Variants in MUC22 observed in about 807,000 individuals in gnomAD.
MUC22 encodes the protein mucin-22.
MUC22 carries 24 observed loss-of-function variants against 40.3 expected under a neutral mutation model. That is an observed-to-expected ratio of 0.60 (90% CI 0.43 to 0.84). MUC22 has a LOEUF of 0.84. MUC22 is among the 40% of genes least tolerant of loss of function. The pLI, the probability that MUC22 is intolerant of heterozygous loss-of-function variation, is 0.00. For synonymous variants in MUC22, 765 were observed against 844.5 expected (o/e 0.91, Z 1.63); for missense variants, 1,926 against 2,130.7 (o/e 0.90, Z 1.89).
chr6:31,025,681 A>G, exon 2 of MUC22: 2 of 1,532,514 alleles, frequency 1.3e-6, no homozygotes, highest in Non-Finnish European at 1.7e-6. Flanking sequence ...CATGGCTTCT[A>G]CTGCAGCCTT....
chr6:31,024,771 A>G (rs1765135484), intron 1 of MUC22, among the ~76,000 whole-genome samples: 1 of 151,888 alleles, frequency 6.6e-6, no homozygotes, highest in Non-Finnish European at 1.5e-5. Context: ...TCTCCTATTT[A>G]TTCATGAATC....
At chr6:31,021,859 C>G (rs566169429) in intron 1 of MUC22, among the ~76,000 whole-genome samples, 4 of 152,064 alleles carry the variant, frequency 2.6e-5, no homozygotes, top group African/African-American at 7.2e-5. Flanking sequence ...GTTTTCCACA[C>G]TGTGGAAACT....
At chr6:31,024,869 CT>C (rs10685711) in intron 1 of MUC22, among the ~76,000 whole-genome samples, 22,203 of 135,848 alleles carry the variant, frequency 0.16, 1,806 homozygotes, top group African/African-American at 0.21. Flanking sequence ...TTGCTGCCTT[CT>C]TTTTTTTTTT....
At chr6:31,033,867 A>G (rs1766257314) in intron 3 of MUC22, among the ~76,000 whole-genome samples, 1 of 152,242 alleles carries the variant, frequency 6.6e-6, no homozygotes, top group Non-Finnish European at 1.5e-5. Flanking sequence ...TTTGGATAAT[A>G]TAGTCAATTT....
At position 31,028,029 on chromosome 6, in the gene MUC22, C is replaced by T. The variant is rs1267976391; in HGVS notation, c.2598C>T (p.Thr866=). 7.8e-6 allele frequency: 12 copies of T among 1,532,074 alleles called. No individual in the cohort carries two copies. In the African/African-American group the frequency reaches 9.7e-5, roughly 12 times the overall value. 94.9% of individuals were successfully genotyped at this position (1,532,074 alleles called of 1,614,324 possible). A position where few individuals can be genotyped will look rare whatever the true frequency, so the allele number is the denominator to read the frequency against. ...CATCTACTGCAGATTCTGAGACCAC[C>T]TCAGCCTCTACTACAGGCTCTGAGA... Residue 866 remains threonine, a synonymous_variant, in exon 2 of 4, where the codon ACC becomes ACT. Coordinates refer to ENST00000561890, the Ensembl canonical transcript of MUC22.
chr6:31,033,655 A>G (rs1012325478), intron 3 of MUC22, among the ~76,000 whole-genome samples: 1 of 152,208 alleles, frequency 6.6e-6, no homozygotes, highest in African/African-American at 2.4e-5. Context: ...GGCCCACAAG[A>G]GATTGTGCAG....
At chr6:31,031,123 C>G (rs1158211956) in intron 2 of MUC22, among the ~76,000 whole-genome samples, 1 of 152,218 alleles carries the variant, frequency 6.6e-6, no homozygotes, top group Admixed American at 6.5e-5. Flanking sequence ...ATTCTCATGA[C>G]TGGTGCTGTT....
chr6:31,030,090 A>C, exon 2 of MUC22: 1 of 1,527,430 alleles, frequency 6.5e-7, no homozygotes, highest in Non-Finnish European at 8.8e-7. Flanking sequence ...TCACCAACAC[A>C]CCTATGTCAG....
chr6:31,031,359 C>T (rs1490686740), intron 2 of MUC22, among the ~76,000 whole-genome samples: 1 of 152,158 alleles, frequency 6.6e-6, no homozygotes, highest in Non-Finnish European at 1.5e-5. Context: ...CACCTCTGTC[C>T]CAGCCACGGC....
rs10947121 is a variant in MUC22, at chr6:31,032,220, T to C, written c.4694T>C (p.Leu1565Pro). 0.38 allele frequency: 585,201 copies of C among 1,534,704 alleles called. 116,082 individuals carry two copies. Among genetic ancestry groups the C allele is most frequent in the East Asian group, 0.64 (26,373 of 40,900 alleles). Residue 1565 changes from leucine (L) to proline (P), a missense_variant, in exon 3 of 4, where the codon CTC (leucine) becomes CCC (proline). By Grantham distance (98) the Leu-to-Pro change is moderately conservative. Transcript: ENST00000561890. This position sits in a 1 kb window ranked among gnomAD's most constrained non-coding sequence, Gnocchi z 4.1. ...GGCACCAGAACCACTGGAACCAGAC[T>C]CACTGCCTCCAGCTCTGTCACCATG...
chr6:31,018,143 C>T (rs1764385640), intron 1 of MUC22, among the ~76,000 whole-genome samples: 1 of 152,228 alleles, frequency 6.6e-6, no homozygotes, highest in East Asian at 1.9e-4. Flanking sequence ...TCTGGATACA[C>T]TTTCACTCCT....
chr6:31,020,057 ATAG>A (rs1764557014), intron 1 of MUC22, among the ~76,000 whole-genome samples: 1 of 152,236 alleles, frequency 6.6e-6, no homozygotes, highest in South Asian at 2.1e-4. Flanking sequence ...GTTTAAAGAA[ATAG>A]TAGCTGAAAA....
At chr6:31,034,483 G>A (rs1364941373) in intron 3 of MUC22, among the ~76,000 whole-genome samples, 189 bp from the exon 4 acceptor site, 3 of 152,182 alleles carry the variant, frequency 2.0e-5, no homozygotes, top group Admixed American at 6.6e-5. Context: ...TTGTCAGACG[G>A]AGAAAGAGTA....
rs930595307 is a variant in MUC22 at position 31,015,273 on chromosome 6, G to C, written c.70+4497G>C. Among the ~76,000 whole-genome samples the C allele has an allele frequency of 2.6e-5, 4 of 152,108 alleles. No homozygotes were observed. The East Asian group carries it at 7.7e-4, about 29-fold the overall frequency. On this transcript the variant is annotated intron_variant, in intron 1 of 3. Transcript: ENST00000561890. ...TTTTAAGAATTGGCTAGCCCTGGAA[G>C]GTCCTGTCTCTCCCTAGCTAGAAAA... is the stretch of plus-strand genomic sequence containing the variant.
chr6:31,009,650 A>G (rs531017424), upstream of MUC22, among the ~76,000 whole-genome samples: 4 of 152,248 alleles, frequency 2.6e-5, no homozygotes, highest in South Asian at 6.2e-4. Flanking sequence ...CTCATTTCCA[A>G]CCCCAGGCTT....
chr6:31,032,227 C>T lies in MUC22; in HGVS notation c.4701C>T (p.Ala1567=). The change falls in exon 3 of 4, where the codon GCC becomes GCT. Residue 1567 remains alanine, a synonymous_variant. Coordinates refer to ENST00000561890, the Ensembl canonical transcript of MUC22. This position sits in a 1 kb window ranked among gnomAD's most constrained non-coding sequence, Gnocchi z 4.1. ...GAACCACTGGAACCAGACTCACTGCCTCCAGCTCTGTCACCATGGCCCCTG... is the reference window on the plus strand; with the variant it reads ...GAACCACTGGAACCAGACTCACTGCTTCCAGCTCTGTCACCATGGCCCCTG... The T allele has an allele frequency of 6.5e-7, 1 of 1,535,426 alleles. No homozygotes were observed. The highest frequency in any genetic ancestry group is 8.7e-7 in the Non-Finnish European group (1 of 1,146,746).
chr6:31,019,652 G>A lies in MUC22; in HGVS notation c.71-5850G>A, dbSNP rs56215278. The stretch of plus-strand genomic sequence containing the variant: ...GCAGATCACCTGAGGTCAGGAGTTC[G>A]AGGGCAGCCTGGCCAACATGGCAAA... On this transcript the variant is annotated intron_variant, in intron 1 of 3. Coordinates refer to ENST00000561890, the Ensembl canonical transcript of MUC22. Among the ~76,000 whole-genome samples, 312 of 152,314 alleles carry A rather than the reference G, an allele frequency of 2.0e-3. 1 individual carries two copies. Among genetic ancestry groups the A allele is most frequent in the African/African-American group, 6.9e-3 (287 of 41,570 alleles).
rs562544644 is a variant in MUC22, at chr6:31,027,292, A to G, written c.1861A>G (p.Thr621Ala). The change falls in exon 2 of 4, where the codon ACA (threonine) becomes GCA (alanine). Residue 621 changes from threonine to alanine, a missense_variant. Thr to Ala is a moderately conservative substitution (Grantham distance 58). Transcript: ENST00000561890. ...CTCTGAGACCAGCACAGATTCTACC[A>G]CAGGCTCTGAGACCACCACAGCCTC... The G allele has an allele frequency of 8.2e-6, 10 of 1,213,294 alleles. 1 individual carries two copies. The highest frequency in any genetic ancestry group is 2.7e-5 in the Admixed American group (1 of 37,356). 75.2% of individuals were successfully genotyped at this position (1,213,294 alleles called of 1,614,324 possible).
intron 2 of MUC22, among the ~76,000 whole-genome samples, chr6:31,030,489 C>A (rs984131807): frequency 4.0e-5 from 6 of 148,274 alleles, no homozygotes; most frequent in Admixed American, 1.4e-4. Flanking sequence ...TGCATTCCAG[C>A]CTGGGCGACA....
Sources: allele counts gnomAD v4.1 joint callset (sites outside exome capture counted in the v4.1 genomes callset), GRCh38; gene constraint gnomAD v4.1.1; non-coding constraint Gnocchi (gnomAD v3.1); transcripts MANE v1.5; gene names NCBI Gene and HGNC (gene_info 2026-07-23, HGNC 2026-07-21).